Variants in BAP1 observed in about 807,000 individuals in gnomAD.
BAP1 encodes BRCA1 associated deubiquitinase 1, also known as ubiquitin carboxyl-terminal hydrolase BAP1.
Under a neutral mutation model 77.2 loss-of-function variants are expected in BAP1, and 16 were observed. That is an observed-to-expected ratio of 0.21 (90% CI 0.14 to 0.31). The LOEUF (loss-of-function observed/expected upper bound fraction) is 0.31. BAP1 is among the 10% of genes least tolerant of loss of function. The pLI is 1.00. For missense variants in BAP1, 699 were observed against 967.3 expected (o/e 0.72, Z 3.68); for synonymous variants, 362 against 385.2 (o/e 0.94, Z 0.71).
chr3:52,406,518 G>T lies in BAP1; in HGVS notation c.660-142C>A. 7.7e-7 allele frequency: 1 copy of T among 1,290,748 alleles called. No individual in the cohort carries two copies. Among genetic ancestry groups the T allele is most frequent in the Non-Finnish European group, 1.1e-6 (1 of 925,580 alleles). 80.0% of individuals were successfully genotyped at this position (1,290,748 alleles called of 1,614,324 possible). A position where few individuals can be genotyped will look rare whatever the true frequency, so the allele number is the denominator to read the frequency against. On this transcript the variant is annotated intron_variant, in intron 8 of 16. Coordinates refer to ENST00000460680, the MANE Select transcript of BAP1 (RefSeq NM_004656.4). This position sits in a 1 kb window ranked among gnomAD's most constrained non-coding sequence, Gnocchi z 4.6. ...CACCCCAACAGGCAGGCAGCGACTA[G>T]CCATACATGCCAGGCACCTGAGCTG... is the stretch of plus-strand genomic sequence containing the variant.
At chr3:52,407,021 G>A (rs531453681) in intron 7 of BAP1, 114 bp from the exon 8 acceptor site, 4 of 1,487,504 alleles carry the variant, frequency 2.7e-6, no homozygotes, top group East Asian at 4.9e-5. Context: ...GGAGCTGGTC[G>A]GGCAATATGG....
At chr3:52,404,036 C>A in intron 12 of BAP1, 142 bp from the exon 13 acceptor site, 1 of 818,016 alleles carries the variant, frequency 1.2e-6, no homozygotes. Context: ...CTTGAACTAG[C>A]CATGCTAAGC....
Position 52,406,769 on chromosome 3 carries a change from G to A in BAP1, c.659+60C>T, listed in dbSNP as rs1417627667. 2 of 1,519,366 alleles carry A rather than the reference G, an allele frequency of 1.3e-6. No individual in the cohort carries two copies. The highest frequency in any genetic ancestry group is 2.8e-5 in the African/African-American group (2 of 72,342). 94.1% of individuals were successfully genotyped at this position (1,519,366 alleles called of 1,614,324 possible). On this transcript the variant is annotated intron_variant, in intron 8 of 16. Coordinates refer to ENST00000460680, the MANE Select transcript of BAP1 (RefSeq NM_004656.4). This position sits in a 1 kb window ranked among gnomAD's most constrained non-coding sequence, Gnocchi z 4.6. ...TTTACAAATCACCTGGATACTCTCT[G>A]TCCCTCCCAAAGTAGGTACAGCTCC...
In BAP1 at chr3:52,406,194, G is replaced by T; in HGVS notation, c.783+59C>A. 1.2e-6 allele frequency: 2 copies of T among 1,612,814 alleles called. No homozygotes were observed. Among genetic ancestry groups the T allele is most frequent in the Non-Finnish European group, 1.7e-6 (2 of 1,179,608 alleles). On this transcript the variant is annotated intron_variant, in intron 9 of 16. Coordinates refer to ENST00000460680, the MANE Select transcript of BAP1 (RefSeq NM_004656.4). The surrounding 1 kb of genome is among the most constrained non-coding windows in gnomAD (Gnocchi z 4.6). ...ATCAGAGACAAATGCTGTGGGGGAA[G>T]GGAGGAGGAATGCAGGGAGGGTTGG...
rs780414230 is a variant in BAP1 at position 52,403,866 on chromosome 3, CT to C, written c.1278del (p.Ala428HisfsTer2). On this transcript the variant is annotated frameshift_variant, in exon 13 of 17. Transcript: ENST00000460680. LOFTEE classifies it high-confidence loss of function. The surrounding 1 kb of genome is among the most constrained non-coding windows in gnomAD (Gnocchi z 4.0). ...CCATCAGCAGAACCGCTCAATGCCC[CT>C]GGCTTCCCTGTTCCCTTCCCCTTAT... is the stretch of plus-strand genomic sequence containing the variant. The part of the protein sequence containing the change: ...LRYKGKGTGK[P>X]GALSGSADGQ... 1 of 1,614,118 alleles carries C rather than the reference CT, an allele frequency of 6.2e-7. No homozygotes were observed. The highest frequency in any genetic ancestry group is 1.1e-5 in the South Asian group (1 of 91,082).
rs940607333 is a variant in BAP1 at position 52,406,016 on chromosome 3, C to G, written c.784-104G>C. ...AAAGGAATAATGGCCTTGGCTCTAC[C>G]CATTCACTCACAGGGAAATAAAACA... On this transcript the variant is annotated intron_variant, in intron 9 of 16. Transcript: ENST00000460680. This position sits in a 1 kb window ranked among gnomAD's most constrained non-coding sequence, Gnocchi z 4.6. The G allele has an allele frequency of 3.9e-5, 60 of 1,554,804 alleles. No homozygotes were observed. Among genetic ancestry groups the G allele is most frequent in the South Asian group, 6.8e-5 (6 of 88,030 alleles).
chr3:52,405,492 G>GAAAA (rs71084182), intron 10 of BAP1, 198 bp from the exon 11 acceptor site: 364 of 80,474 alleles, frequency 4.5e-3, no homozygotes, highest in South Asian at 0.013. Context: ...GAAGCAGGAA[G>GAAAA]AAAAAAAAAA....
chr3:52,403,898 T>C lies in BAP1; in HGVS notation c.1251-4A>G, dbSNP rs750343039. ...CCCTGTTCCCTTCCCCTTATACCTGTGGGGCCCGAGAAGATGTGAAGCAAG... is the reference window on the plus strand; with the variant it reads ...CCCTGTTCCCTTCCCCTTATACCTGCGGGGCCCGAGAAGATGTGAAGCAAG... On this transcript the variant is annotated splice_polypyrimidine_tract_variant and splice_region_variant and intron_variant, in intron 12 of 16. Transcript: ENST00000460680. This position sits in a 1 kb window ranked among gnomAD's most constrained non-coding sequence, Gnocchi z 4.0. 1.4e-5 allele frequency: 23 copies of C among 1,613,474 alleles called. No individual in the cohort carries two copies. Among genetic ancestry groups the C allele is most frequent in the South Asian group, 2.2e-5 (2 of 91,078 alleles).
rs2153228559 is a variant in BAP1, at chr3:52,409,611, G to A, written c.68-3C>T. ...CTCCACTTGCACCCCCTTGACACCT[G>A]CGATGAGGAAAGGAAAGCAGTAGGG... On this transcript the variant is annotated splice_polypyrimidine_tract_variant and splice_region_variant and intron_variant, in intron 2 of 16. Transcript: ENST00000460680. The A allele has an allele frequency of 2.5e-6, 4 of 1,614,204 alleles. No homozygotes were observed. Among genetic ancestry groups the A allele is most frequent in the Non-Finnish European group, 3.4e-6 (4 of 1,180,020 alleles).
chr3:52,402,143 G>A lies in BAP1; in HGVS notation c.*145C>T. The A allele has an allele frequency of 7.4e-7, 1 of 1,352,398 alleles. No individual in the cohort carries two copies. The highest frequency in any genetic ancestry group is 2.5e-5 in the East Asian group (1 of 39,658). 83.8% of individuals were successfully genotyped at this position (1,352,398 alleles called of 1,614,324 possible). On this transcript the variant is annotated 3_prime_UTR_variant, in exon 17 of 17. Transcript: ENST00000460680. The surrounding 1 kb of genome is among the most constrained non-coding windows in gnomAD (Gnocchi z 5.3). ...GGCCTCAGGGCACGATGGAAGGAAT[G>A]TGGCCTGGTTCCTCCCATTCCCAGG...
At position 52,403,279 on chromosome 3, in the gene BAP1, C is replaced by T. The variant is rs147775249; in HGVS notation, c.1749G>A (p.Ser583=). ...TGCCTTGGATTGGTCTGATGGAGGGCGAGGAACCCTTCCCACCCTCTGGGA... is the reference window on the plus strand; with the variant it reads ...TGCCTTGGATTGGTCTGATGGAGGGTGAGGAACCCTTCCCACCCTCTGGGA... ...LALTEGGKGS[S]PSIRPIQGSQ... The change falls in exon 14 of 17, where the codon TCG becomes TCA. Residue 583 remains serine (S), a synonymous_variant. Coordinates refer to ENST00000460680, the MANE Select transcript of BAP1 (RefSeq NM_004656.4). This position sits in a 1 kb window ranked among gnomAD's most constrained non-coding sequence, Gnocchi z 4.0. 2.3e-5 allele frequency: 37 copies of T among 1,613,784 alleles called. No homozygotes were observed. Among genetic ancestry groups the T allele is most frequent in the African/African-American group, 1.3e-4 (10 of 74,896 alleles).
At position 52,408,492 on chromosome 3, in the gene BAP1, G is replaced by A; in HGVS notation, c.237C>T (p.Asn79=). The A allele has an allele frequency of 6.2e-7, 1 of 1,612,016 alleles. No individual in the cohort carries two copies. Among genetic ancestry groups the A allele is most frequent in the Non-Finnish European group, 8.5e-7 (1 of 1,179,180 alleles). The stretch of plus-strand genomic sequence containing the variant: ...AGCAGACCTGGTGGGCAAAGAACAT[G>A]TTATTCACAATATCATCATCAATCA... ...TSVIDDDIVN[N]MFFAHQLIPN... The change falls in exon 4 of 17, where the codon AAC becomes AAT. Residue 79 remains asparagine (N), a synonymous_variant. Transcript: ENST00000460680.
At chr3:52,409,027 A>G (rs1398434247) in intron 3 of BAP1, among the ~76,000 whole-genome samples, 1 of 152,204 alleles carries the variant, frequency 6.6e-6, no homozygotes, top group Admixed American at 6.5e-5. Flanking sequence ...GAACACCCAC[A>G]CCAGTCTCTT....
In BAP1 at chr3:52,409,762, G is replaced by T. The variant is rs774185001; in HGVS notation, c.38-19C>A. On this transcript the variant is annotated intron_variant, in intron 1 of 16. Coordinates refer to ENST00000460680, the MANE Select transcript of BAP1 (RefSeq NM_004656.4). ...AAGAGGCCTGGGTGGGGCGACAAGA[G>T]GAGGGGGTGATGGTCAGGCAGGCGC... 7 of 1,613,740 alleles carry T rather than the reference G, an allele frequency of 4.3e-6. No homozygotes were observed. Among genetic ancestry groups the T allele is most frequent in the Non-Finnish European group, 5.9e-6 (7 of 1,179,898 alleles).
chr3:52,406,807 A>T lies in BAP1; in HGVS notation c.659+22T>A, dbSNP rs1432186364. ...TAGGTACAGCTCCAGAGAGTAGAAC[A>T]GGGCAGGCACAGGGCCCTTACCCTG... On this transcript the variant is annotated intron_variant, in intron 8 of 16. Coordinates refer to ENST00000460680, the MANE Select transcript of BAP1 (RefSeq NM_004656.4). This position sits in a 1 kb window ranked among gnomAD's most constrained non-coding sequence, Gnocchi z 4.6. 2.6e-6 allele frequency: 4 copies of T among 1,552,642 alleles called. No homozygotes were observed. Among genetic ancestry groups the T allele is most frequent in the Admixed American group, 2.0e-5 (1 of 51,164 alleles).
chr3:52,408,615 A>G lies in BAP1; in HGVS notation c.123-9T>C, dbSNP rs1705241859. On this transcript the variant is annotated splice_polypyrimidine_tract_variant and intron_variant, in intron 3 of 16. Transcript: ENST00000460680. Reference sequence around the variant, plus strand: ...TAAATCCATATACAGGGCTGGGGGAAGTAAGGGGCAGAGCCAGATCAGCCA... The same window carrying G: ...TAAATCCATATACAGGGCTGGGGGAGGTAAGGGGCAGAGCCAGATCAGCCA... 6.2e-7 allele frequency: 1 copy of G among 1,607,542 alleles called. No individual in the cohort carries two copies. Among genetic ancestry groups the G allele is most frequent in the African/African-American group, 1.3e-5 (1 of 74,908 alleles).
At position 52,405,766 on chromosome 3, in the gene BAP1, T is replaced by C. The variant is rs1578224229; in HGVS notation, c.930A>G (p.Thr310=). ...RAPAASEGNH[T]DGAEEAAGSC... ...AAGAGGTCCCAAACCCCCCAGTACC[T>C]GTGTGGTTGCCCTCAGAGGCTGCAG... The change falls in exon 10 of 17, where the codon ACA becomes ACG. Residue 310 remains threonine (T), a splice_region_variant and synonymous_variant. Coordinates refer to ENST00000460680, the MANE Select transcript of BAP1 (RefSeq NM_004656.4). 6.2e-7 allele frequency: 1 copy of C among 1,613,042 alleles called. No individual in the cohort carries two copies. The highest frequency in any genetic ancestry group is 8.5e-7 in the Non-Finnish European group (1 of 1,179,998).
At position 52,403,472 on chromosome 3, in the gene BAP1, C is replaced by A. The variant is rs759973618; in HGVS notation, c.1673G>T (p.Ser558Ile). Residue 558 changes from serine to isoleucine, a missense_variant, in exon 13 of 17, where the codon AGC becomes ATC. Around this residue, in one of 3 missense-constraint regions of BAP1, gnomAD observed 475 missense variants for 532.4 expected, o/e 0.89. Transcript: ENST00000460680. The surrounding 1 kb of genome is among the most constrained non-coding windows in gnomAD (Gnocchi z 4.0). The stretch of plus-strand genomic sequence containing the variant: ...CTCAGCCAGGTGCAGCAGGCCTGTG[C>A]TGATGACAGGACCCAGATCACGGAC... ...RAVRDLGPVI[S>I]TGLLHLAEDG... The A allele has an allele frequency of 6.2e-7, 1 of 1,613,854 alleles. No individual in the cohort carries two copies. The highest frequency in any genetic ancestry group is 8.5e-7 in the Non-Finnish European group (1 of 1,179,988).
chr3:52,404,714 C>T lies in BAP1; in HGVS notation c.1117-128G>A, dbSNP rs965126911. The stretch of plus-strand genomic sequence containing the variant: ...GTCAGCGGAACCCCTCCAGCTGTTC[C>T]ATGGCCTGTCCTTGGCTTGTGGGGA... On this transcript the variant is annotated intron_variant, in intron 11 of 16. Coordinates refer to ENST00000460680, the MANE Select transcript of BAP1 (RefSeq NM_004656.4). 4 of 1,379,946 alleles carry T rather than the reference C, an allele frequency of 2.9e-6. No homozygotes were observed. The South Asian group carries it at 3.8e-5, about 13-fold the overall frequency. The allele number at this position is 1,379,946 out of a possible 1,614,324, so 85.5% of individuals were successfully genotyped here.
Sources: gnomAD v4.1 joint callset for allele counts (sites outside exome capture counted in the v4.1 genomes callset) on GRCh38, gnomAD v4.1.1 for gene constraint, gnomAD v4.1.1 regional missense constraint, Gnocchi (gnomAD v3.1) non-coding constraint, MANE v1.5 for transcripts, NCBI Gene and HGNC (gene_info 2026-07-23, HGNC 2026-07-21) for gene names.